TVP23B: variants seen among roughly 807,000 people sequenced by gnomAD.
TVP23B encodes Golgi apparatus membrane protein TVP23 homolog B.
In TVP23B, 10 loss-of-function variants were observed where a neutral mutation model predicts 30.6. That is an observed-to-expected ratio of 0.33 (90% confidence interval 0.20 to 0.55). TVP23B has a LOEUF of 0.55. TVP23B is among the 20% of genes least tolerant of loss of function. The pLI is 0.91. For missense variants in TVP23B, 153 were observed against 243.2 expected (o/e 0.63, Z 2.47); for synonymous variants, 67 against 83.1 (o/e 0.81, Z 1.06).
In TVP23B at chr17:18,804,268, T is replaced by A. The variant is rs1215349817; in HGVS notation, c.591+2T>A. ...TTTGGAAAGCAGTTTTTAAGACAAG[T>A]AAGTGTTTTCTGGATGTGATCAGTG... On this transcript the variant is annotated splice_donor_variant, in intron 6 of 6. Coordinates refer to ENST00000307767, the MANE Select transcript of TVP23B (RefSeq NM_016078.6). LOFTEE classifies it high-confidence loss of function. The A allele has an allele frequency of 4.4e-6, 7 of 1,601,386 alleles. No individual in the cohort carries two copies. Among genetic ancestry groups the A allele is most frequent in the Non-Finnish European group, 6.0e-6 (7 of 1,172,472 alleles).
intron 5 of TVP23B, among the ~76,000 whole-genome samples, chr17:18,803,240 G>A (rs1279112835): frequency 2.0e-5 from 3 of 152,050 alleles, no homozygotes; most frequent in South Asian, 4.2e-4. Flanking sequence ...AATCCAGCCC[G>A]ACACCTGTTT....
chr17:18,789,113 G>T (rs1193989379), intron 1 of TVP23B: 1 of 547,900 alleles, frequency 1.8e-6, no homozygotes, highest in Non-Finnish European at 3.2e-6. Context: ...TTCTCAGATG[G>T]TGCAGCCTAG....
Position 18,806,487 on chromosome 17 carries a change from CTG to C in TVP23B, c.*922_*923del, listed in dbSNP as rs1378075853. The C allele has an allele frequency of 2.6e-5, 8 of 308,076 alleles. No individual in the cohort carries two copies. Among genetic ancestry groups the C allele is most frequent in the Admixed American group, 6.7e-5 (1 of 14,924 alleles). The allele number at this position is 308,076 out of a possible 1,614,324, so 19.1% of individuals were successfully genotyped here. A position where few individuals can be genotyped will look rare whatever the true frequency, so the allele number is the denominator to read the frequency against. Reference sequence around the variant, plus strand: ...GTATTTCTTAAAGCAATCTATGTAACTGTAAATTAAACCAATCTACAAACTAT... The same window carrying C: ...GTATTTCTTAAAGCAATCTATGTAACTAAATTAAACCAATCTACAAACTAT... On this transcript the variant is annotated 3_prime_UTR_variant, in exon 7 of 7. Transcript: ENST00000307767.
At chr17:18,783,916 G>A (rs958979430) in intron 1 of TVP23B, among the ~76,000 whole-genome samples, 9 of 151,620 alleles carry the variant, frequency 5.9e-5, no homozygotes, top group Non-Finnish European at 1.3e-4. Flanking sequence ...GGAGGCCGAA[G>A]CGGGTGGATC....
intron 3 of TVP23B, among the ~76,000 whole-genome samples, chr17:18,793,602 A>G (rs2036030992): frequency 6.6e-6 from 1 of 151,916 alleles, no homozygotes; most frequent in Admixed American, 6.6e-5. Context: ...TCTCAAAAAA[A>G]AAAAAAAAAA....
At chr17:18,787,264 C>T (rs1335466346) in intron 1 of TVP23B, among the ~76,000 whole-genome samples, 1 of 151,902 alleles carries the variant, frequency 6.6e-6, no homozygotes, top group African/African-American at 2.4e-5. Context: ...GCTAATTAGC[C>T]GAGACACACT....
At position 18,781,315 on chromosome 17, in the gene TVP23B, T is replaced by C. The variant is rs1269685668; in HGVS notation, c.12+10T>C. 1.9e-6 allele frequency: 3 copies of C among 1,579,568 alleles called. No individual in the cohort carries two copies. Among genetic ancestry groups the C allele is most frequent in the African/African-American group, 1.3e-5 (1 of 74,294 alleles). On this transcript the variant is annotated intron_variant, in intron 1 of 6. Coordinates refer to ENST00000307767, the MANE Select transcript of TVP23B (RefSeq NM_016078.6). ...CGCCATGTTGCAGCAGGTGAGGGGC[T>C]GAGGGCTCGCTGGGAGGGTGGCGGC...
intron 1 of TVP23B, among the ~76,000 whole-genome samples, chr17:18,782,892 G>C (rs1181715920): frequency 6.6e-6 from 1 of 150,626 alleles, no homozygotes; most frequent in East Asian, 1.9e-4. Flanking sequence ...ATTTTGTGCC[G>C]ACCTCACATC....
intron 3 of TVP23B, among the ~76,000 whole-genome samples, chr17:18,794,163 A>G (rs2036041247): frequency 6.6e-6 from 1 of 152,230 alleles, no homozygotes; most frequent in Non-Finnish European, 1.5e-5. Context: ...GTGCCAAAAA[A>G]TAAATAAGTT....
chr17:18,802,198 A>G (rs993598103), intron 5 of TVP23B, among the ~76,000 whole-genome samples: 23 of 152,248 alleles, frequency 1.5e-4, no homozygotes, highest in Admixed American at 1.4e-3. Context: ...CTCCAGCCTG[A>G]GCAACAGAGC....
chr17:18,804,160 T>C lies in TVP23B; in HGVS notation c.485T>C (p.Val162Ala), dbSNP rs1255269176. The change falls in exon 6 of 7, where the codon GTG (valine) becomes GCG (alanine). Residue 162 changes from valine to alanine, a missense_variant. By Grantham distance (64) the Val-to-Ala change is moderately conservative. Transcript: ENST00000307767. ...CAGGCGGTGGTTATCATGGGTGTGG[T>C]GCTACAAGGTGCCAACCTGTATGGT... ...KWLAVVIMGV[V>A]LQGANLYGYI... 1.2e-6 allele frequency: 2 copies of C among 1,613,772 alleles called. No individual in the cohort carries two copies. The highest frequency in any genetic ancestry group is 1.3e-5 in the African/African-American group (1 of 74,906).
At chr17:18,804,679 C>T (rs192606408) in intron 6 of TVP23B, 5 of 716,192 alleles carry the variant, frequency 7.0e-6, no homozygotes, top group Non-Finnish European at 8.9e-6. Flanking sequence ...ACCTCTGCCC[C>T]CCGGGTTCAT....
At chr17:18,792,691 A>C (rs2036015267) in intron 3 of TVP23B, among the ~76,000 whole-genome samples, 1 of 152,220 alleles carries the variant, frequency 6.6e-6, no homozygotes, top group South Asian at 2.1e-4. Flanking sequence ...TTTTCTGATA[A>C]GGTTTATTTG....
chr17:18,791,540 A>AT (rs1490053098), intron 3 of TVP23B, among the ~76,000 whole-genome samples: 1 of 152,018 alleles, frequency 6.6e-6, no homozygotes, highest in African/African-American at 2.4e-5. Flanking sequence ...CCCACTGAAT[A>AT]TTTGTCAGTG....
At chr17:18,789,657 A>G (rs2035962223) in intron 2 of TVP23B, 2 of 505,748 alleles carry the variant, frequency 4.0e-6, no homozygotes, top group Admixed American at 7.2e-5. Flanking sequence ...AAATCCAATT[A>G]TTTGAACACC....
rs1416216660 is a variant in TVP23B at position 18,805,556 on chromosome 17, C to T, written c.607C>T (p.Gln203Ter). The T allele has an allele frequency of 9.3e-6, 15 of 1,604,302 alleles. No individual in the cohort carries two copies. The highest frequency in any genetic ancestry group is 1.4e-5 in the African/African-American group (1 of 73,778). The change falls in exon 7 of 7, where the codon CAG becomes TAG. Residue 203 changes from glutamine to a stop codon, truncating the protein, a stop_gained. Transcript: ENST00000307767. LOFTEE classifies it high-confidence loss of function. ...TCTTTTGCAGAACACTGGAGATGAT[C>T]AGACTTCCTGAATAGAGAAAGCTTA... ...QFLRQNTGDD[Q>*]TS
chr17:18,799,793 T>C (rs2036129770), intron 5 of TVP23B, among the ~76,000 whole-genome samples: 1 of 152,142 alleles, frequency 6.6e-6, no homozygotes, highest in Non-Finnish European at 1.5e-5. Context: ...TTTATTGATA[T>C]CAGATATATT....
chr17:18,784,654 AAAAG>A (rs1017393301), intron 1 of TVP23B, among the ~76,000 whole-genome samples: 1 of 152,148 alleles, frequency 6.6e-6, no homozygotes, highest in African/African-American at 2.4e-5. Flanking sequence ...CGTCTCAAAA[AAAAG>A]AAAAAAAATA....
chr17:18,781,337 C>T lies in TVP23B; in HGVS notation c.12+32C>T, dbSNP rs780143011. 25 of 1,569,130 alleles carry T rather than the reference C, an allele frequency of 1.6e-5. No individual in the cohort carries two copies. The South Asian group carries it at 2.0e-4, about 12-fold the overall frequency. The stretch of plus-strand genomic sequence containing the variant: ...GGCTGAGGGCTCGCTGGGAGGGTGG[C>T]GGCTCCTGGGACTGGCTCTGCAGGT... On this transcript the variant is annotated intron_variant, in intron 1 of 6. Coordinates refer to ENST00000307767, the MANE Select transcript of TVP23B (RefSeq NM_016078.6).
Sources: allele counts gnomAD v4.1 joint callset (sites outside exome capture counted in the v4.1 genomes callset), GRCh38; gene constraint gnomAD v4.1.1; transcripts MANE v1.5; gene names NCBI Gene and HGNC (gene_info 2026-07-23, HGNC 2026-07-21).